The following LRBA variants were observed in gnomAD, a reference collection of about 807,000 sequenced individuals.
LRBA encodes the protein lipopolysaccharide-responsive and beige-like anchor protein.
Under a neutral mutation model 330.0 loss-of-function variants are expected in LRBA, and 176 were observed. The observed-to-expected ratio is 0.53, with a 90% CI of 0.47 to 0.60. The LOEUF is 0.60. Ranked by LOEUF, LRBA falls within the 20% of genes least tolerant of loss-of-function variation. The pLI is 0.00. For missense variants in LRBA, 3,259 were observed against 3,444.8 expected (o/e 0.95, Z 1.35); for synonymous variants, 1,230 against 1,193.0 (o/e 1.03, Z -0.64).
rs552828277 is a variant in LRBA at position 150,444,645 on chromosome 4, G to GAGTTA, written c.6781-7786_6781-7782dup. ...CATCAGCACACCACCGTGGCTTTTA[G>GAGTTA]AGTTAACAAATAAGCACTTTTGTTG... On this transcript the variant is annotated intron_variant, in intron 44 of 56. Transcript: ENST00000651943. Among the ~76,000 whole-genome samples, 12 of 152,260 alleles carry GAGTTA rather than the reference G, an allele frequency of 7.9e-5. No individual in the cohort carries two copies. The South Asian group carries it at 2.3e-3, about 29-fold the overall frequency.
intron 37 of LRBA, among the ~76,000 whole-genome samples, chr4:150,643,981 T>C (rs1288269054): frequency 2.6e-5 from 4 of 151,956 alleles, no homozygotes; most frequent in African/African-American, 9.7e-5. Flanking sequence ...TTTCAGATCA[T>C]ACTAATGTAG....
intron 40 of LRBA, among the ~76,000 whole-genome samples, chr4:150,512,882 C>A (rs939844581): frequency 6.6e-6 from 1 of 152,096 alleles, no homozygotes; most frequent in Non-Finnish European, 1.5e-5. Context: ...ATATTCAATT[C>A]TGCTTTAGAA....
At chr4:150,769,870 C>T (rs145983713) in intron 34 of LRBA, among the ~76,000 whole-genome samples, 29 of 152,298 alleles carry the variant, frequency 1.9e-4, no homozygotes, top group South Asian at 6.2e-4. Flanking sequence ...TATAATTCTA[C>T]CTAACATGAT....
intron 34 of LRBA, among the ~76,000 whole-genome samples, chr4:150,768,855 T>C (rs1354671207): frequency 6.6e-6 from 1 of 151,218 alleles, no homozygotes; most frequent in African/African-American, 2.4e-5. Flanking sequence ...AAAGTATAAT[T>C]AAATATCATA....
chr4:150,632,024 A>T (rs1777431423), intron 37 of LRBA, among the ~76,000 whole-genome samples: 1 of 152,130 alleles, frequency 6.6e-6, no homozygotes, highest in South Asian at 2.1e-4. Flanking sequence ...TGAGGTCGGG[A>T]GTGTGAAACC....
At chr4:150,373,079 A>G (rs1417342914) in intron 47 of LRBA, among the ~76,000 whole-genome samples, 2 of 150,960 alleles carry the variant, frequency 1.3e-5, no homozygotes, top group Non-Finnish European at 2.9e-5. Flanking sequence ...CCTCGGTCAT[A>G]CATTCAGATG....
intron 37 of LRBA, among the ~76,000 whole-genome samples, chr4:150,611,499 A>C (rs989935448): frequency 6.6e-6 from 1 of 152,214 alleles, no homozygotes. Flanking sequence ...GTATGAGTTT[A>C]AATATCTCTT....
At chr4:150,888,626 A>G (rs1264508289) in intron 17 of LRBA, among the ~76,000 whole-genome samples, 1 of 152,136 alleles carries the variant, frequency 6.6e-6, no homozygotes. Flanking sequence ...CAACCACCAA[A>G]AAAGTTACAC....
intron 46 of LRBA, among the ~76,000 whole-genome samples, chr4:150,433,050 A>G (rs558436054): frequency 6.6e-6 from 1 of 152,180 alleles, no homozygotes; most frequent in African/African-American, 2.4e-5. Context: ...GAATATACAC[A>G]TTGGTGGAAA....
chr4:150,642,801 T>C (rs1330601270), intron 37 of LRBA, among the ~76,000 whole-genome samples: 4 of 151,904 alleles, frequency 2.6e-5, no homozygotes, highest in African/African-American at 9.7e-5. Context: ...TTGAAGTAGA[T>C]GTTTTATATA....
At chr4:150,882,057 G>A (rs1035653654) in intron 17 of LRBA, among the ~76,000 whole-genome samples, 74 of 151,664 alleles carry the variant, frequency 4.9e-4, no homozygotes, top group African/African-American at 1.8e-3. Context: ...TTGCACTCCA[G>A]CCTGGGCAAC....
intron 53 of LRBA, among the ~76,000 whole-genome samples, chr4:150,297,213 A>G (rs1322204725): frequency 6.6e-6 from 1 of 152,150 alleles, no homozygotes; most frequent in Non-Finnish European, 1.5e-5. Flanking sequence ...AACAAGGTAA[A>G]TAAATGTGAT....
At chr4:150,725,366 G>A (rs889732967) in intron 36 of LRBA, among the ~76,000 whole-genome samples, 5 of 152,130 alleles carry the variant, frequency 3.3e-5, no homozygotes, top group East Asian at 1.9e-4. Flanking sequence ...ACATACAATG[G>A]TGCTTCAATA....
intron 44 of LRBA, among the ~76,000 whole-genome samples, chr4:150,450,946 C>T (rs1185038680): frequency 6.6e-6 from 1 of 152,138 alleles, no homozygotes; most frequent in Non-Finnish European, 1.5e-5. Flanking sequence ...ATGAGAATTG[C>T]TTGAACCCAG....
chr4:150,845,569 G>C (rs1290661499), intron 26 of LRBA, among the ~76,000 whole-genome samples: 2 of 152,166 alleles, frequency 1.3e-5, no homozygotes, highest in African/African-American at 2.4e-5. Context: ...CAAGGTACTT[G>C]AACTGAGCAA....
intron 47 of LRBA, among the ~76,000 whole-genome samples, chr4:150,361,949 T>G (rs1054374669): frequency 6.6e-6 from 1 of 151,938 alleles, no homozygotes; most frequent in Non-Finnish European, 1.5e-5. Context: ...TCTTTTGTAT[T>G]TTTTAGTAGA....
chr4:150,663,551 GA>G (rs796940773), intron 37 of LRBA, among the ~76,000 whole-genome samples: 74 of 134,316 alleles, frequency 5.5e-4, no homozygotes, highest in South Asian at 7.0e-4. Flanking sequence ...CACTTATGCT[GA>G]AAAAAAAAAA....
intron 47 of LRBA, among the ~76,000 whole-genome samples, chr4:150,410,767 C>T (rs1378744537): frequency 6.6e-6 from 1 of 152,224 alleles, no homozygotes; most frequent in African/African-American, 2.4e-5. Flanking sequence ...TAATTTGAAT[C>T]AATTATGTAT....
intron 47 of LRBA, among the ~76,000 whole-genome samples, chr4:150,358,168 A>G (rs566463549): frequency 7.9e-5 from 12 of 152,240 alleles, no homozygotes; most frequent in African/African-American, 2.6e-4. Context: ...TTGCACAAAC[A>G]TTATTTCTCT....
Sources: gnomAD v4.1 joint callset for allele counts (sites outside exome capture counted in the v4.1 genomes callset) on GRCh38, gnomAD v4.1.1 for gene constraint, MANE v1.5 for transcripts, NCBI Gene and HGNC (gene_info 2026-07-23, HGNC 2026-07-21) for gene names.